The following ACOXL variants were observed in gnomAD, a reference collection of about 807,000 sequenced individuals.
ACOXL encodes the protein acyl-coenzyme A oxidase-like protein.
A neutral mutation model predicts 71.9 loss-of-function variants in ACOXL; 70 were observed. That is an observed-to-expected ratio of 0.97 (90% CI 0.80 to 1.19). The LOEUF is 1.19. Ranked by LOEUF, ACOXL falls within the 50% of genes most tolerant of loss-of-function variation. The probability of loss-of-function intolerance (pLI) is 0.00; values close to 1 mark genes in which losing one functional copy is unlikely to be tolerated. For synonymous variants in ACOXL, 253 were observed against 281.6 expected (o/e 0.90, Z 1.02); for missense variants, 703 against 736.3 (o/e 0.95, Z 0.52).
intron 17 of ACOXL, among the ~76,000 whole-genome samples, chr2:111,094,706 G>A (rs1000927180): frequency 6.6e-6 from 1 of 152,102 alleles, no homozygotes; most frequent in African/African-American, 2.4e-5. Context: ...AACTTTGGGG[G>A]ATACATTCAA....
intron 10 of ACOXL, among the ~76,000 whole-genome samples, chr2:110,898,280 G>T (rs1034808197): frequency 6.6e-6 from 1 of 151,766 alleles, no homozygotes; most frequent in Non-Finnish European, 1.5e-5. Context: ...ACCAAATAAA[G>T]AAAATATAAT....
At chr2:110,760,014 T>C (rs1386740891) in intron 1 of ACOXL, among the ~76,000 whole-genome samples, 1 of 152,144 alleles carries the variant, frequency 6.6e-6, no homozygotes, top group Non-Finnish European at 1.5e-5. Flanking sequence ...TTAATGTATC[T>C]GTATAAAAGC....
intron 16 of ACOXL, among the ~76,000 whole-genome samples, chr2:111,080,607 T>G (rs367620046): frequency 6.6e-6 from 1 of 152,326 alleles, no homozygotes; most frequent in African/African-American, 2.4e-5. Flanking sequence ...GGGGAGCTGG[T>G]ACCGTTCCTT....
At chr2:110,899,745 A>G (rs1377151152) in intron 10 of ACOXL, among the ~76,000 whole-genome samples, 3 of 152,194 alleles carry the variant, frequency 2.0e-5, no homozygotes, top group East Asian at 3.8e-4. Context: ...TTTAAAAAAA[A>G]TCTCAAGGAA....
At chr2:110,863,080 A>T (rs572364774) in intron 10 of ACOXL, among the ~76,000 whole-genome samples, 8 of 152,356 alleles carry the variant, frequency 5.3e-5, no homozygotes, top group African/African-American at 1.9e-4. Flanking sequence ...GTAAATACAT[A>T]AAAAGGACCT....
intron 12 of ACOXL, among the ~76,000 whole-genome samples, chr2:110,939,915 T>G (rs1182491434): frequency 6.6e-6 from 1 of 152,232 alleles, no homozygotes; most frequent in East Asian, 1.9e-4. Flanking sequence ...TAAATGATGA[T>G]TGGTATTGTC....
chr2:111,059,274 A>G (rs1318228712), intron 16 of ACOXL, among the ~76,000 whole-genome samples: 1 of 152,212 alleles, frequency 6.6e-6, no homozygotes, highest in Non-Finnish European at 1.5e-5. Context: ...TGGAATTGGG[A>G]TGGGAACAAG....
chr2:110,768,493 TG>T, intron 2 of ACOXL, 29 bp downstream of exon 2: 1 of 1,099,864 alleles, frequency 9.1e-7, no homozygotes, highest in South Asian at 1.5e-5. Flanking sequence ...CTGGTATGGT[TG>T]TGTGTGTGTG....
chr2:111,034,197 G>A (rs939890588), intron 15 of ACOXL, among the ~76,000 whole-genome samples: 4 of 152,168 alleles, frequency 2.6e-5, no homozygotes, highest in East Asian at 1.9e-4. Context: ...TATTTACCTC[G>A]TGGGGCTGTT....
intron 16 of ACOXL, among the ~76,000 whole-genome samples, chr2:111,071,135 C>A (rs2067320342): frequency 6.6e-6 from 1 of 152,140 alleles, no homozygotes; most frequent in Non-Finnish European, 1.5e-5. Flanking sequence ...TTTTAAGACA[C>A]AAGACTATTG....
chr2:110,768,780 CTT>C (rs1168707224), intron 2 of ACOXL, among the ~76,000 whole-genome samples: 1 of 152,128 alleles, frequency 6.6e-6, no homozygotes, highest in Non-Finnish European at 1.5e-5. Flanking sequence ...TTAGCTCTCA[CTT>C]ATAAGTAAGA....
chr2:110,841,460 C>T, intron 10 of ACOXL, 55 bp downstream of exon 10: 1 of 1,438,232 alleles, frequency 7.0e-7, no homozygotes. Context: ...GTTTATAGCT[C>T]TTGGTTTGCT....
At chr2:111,099,762 T>C (rs548640002) in intron 17 of ACOXL, 6 of 152,360 alleles carry the variant, frequency 3.9e-5, no homozygotes, top group South Asian at 2.1e-4. Flanking sequence ...TTTGTATTTA[T>C]TTTGCTTCAG....
chr2:110,856,611 A>G (rs982036131), intron 10 of ACOXL, among the ~76,000 whole-genome samples: 10 of 152,244 alleles, frequency 6.6e-5, no homozygotes, highest in Non-Finnish European at 1.3e-4. Flanking sequence ...GGAAAAAGAA[A>G]TTTGTGCTAG....
chr2:110,757,671 T>G (rs1017654467), intron 1 of ACOXL, among the ~76,000 whole-genome samples: 1 of 152,222 alleles, frequency 6.6e-6, no homozygotes, highest in South Asian at 2.1e-4. Flanking sequence ...TTTTTTCATA[T>G]GTTTGTTAGC....
chr2:111,053,419 T>C (rs1314067381), intron 16 of ACOXL, among the ~76,000 whole-genome samples: 1 of 152,154 alleles, frequency 6.6e-6, no homozygotes, highest in African/African-American at 2.4e-5. Flanking sequence ...AAAATAGAAC[T>C]TGGATGGCAG....
Position 110,996,003 on chromosome 2 carries a change from A to G in ACOXL, c.1280A>G (p.Lys427Arg). 6.3e-7 allele frequency: 1 copy of G among 1,585,854 alleles called. No individual in the cohort carries two copies. Among genetic ancestry groups the G allele is most frequent in the East Asian group, 2.2e-5 (1 of 44,846 alleles). The change falls in exon 14 of 18, where the codon AAG becomes AGG. Residue 427 changes from lysine to arginine, a missense_variant and splice_region_variant. Coordinates refer to ENST00000439055, the MANE Select transcript of ACOXL (RefSeq NM_001142807.4). ...GGTTTGGTGGCCAGAATTTATTATAAGGTAAAGATACACTGTGTTATATTT... is the reference window on the plus strand; with the variant it reads ...GGTTTGGTGGCCAGAATTTATTATAGGGTAAAGATACACTGTGTTATATTT... ...QRGLVARIYY[K>R]VKTKKEDFFH...
chr2:111,058,470 A>G (rs1012327975), intron 16 of ACOXL, among the ~76,000 whole-genome samples: 4 of 152,238 alleles, frequency 2.6e-5, no homozygotes, highest in Non-Finnish European at 5.9e-5. Flanking sequence ...AAAGCCTAGC[A>G]GTCACACTGA....
At position 110,811,288 on chromosome 2, in the gene ACOXL, A is replaced by G. The variant is rs192992355; in HGVS notation, c.753+5893A>G. 2.8e-4 allele frequency among the ~76,000 whole-genome samples: 43 copies of G among 152,324 alleles called. 1 individual carries two copies. In the East Asian group the frequency reaches 8.3e-3, roughly 29 times the overall value. On this transcript the variant is annotated intron_variant, in intron 9 of 17. Coordinates refer to ENST00000439055, the MANE Select transcript of ACOXL (RefSeq NM_001142807.4). ...TCCTTCAGCAGCAAAGGGCAGAGTA[A>G]GGAGTGTCTCTGTAGGTCTTGCACG...
Sources: allele counts gnomAD v4.1 joint callset (sites outside exome capture counted in the v4.1 genomes callset), GRCh38; gene constraint gnomAD v4.1.1; transcripts MANE v1.5; gene names NCBI Gene and HGNC (gene_info 2026-07-23, HGNC 2026-07-21).